DOCK4: variants seen among roughly 807,000 people sequenced by gnomAD.
DOCK4 encodes dedicator of cytokinesis protein 4.
A neutral mutation model predicts 268.1 loss-of-function variants in DOCK4; 97 were observed. The observed-to-expected ratio is 0.36, with a 90% CI of 0.31 to 0.43. The LOEUF (loss-of-function observed/expected upper bound fraction) is 0.43. DOCK4 is among the 20% of genes least tolerant of loss of function. DOCK4 has a pLI of 1.00. For missense variants in DOCK4, 2,145 were observed against 2,455.7 expected (o/e 0.87, Z 2.67); for synonymous variants, 954 against 887.2 (o/e 1.08, Z -1.34).
chr7:112,135,794 G>A (rs1418071768), intron 1 of DOCK4, among the ~76,000 whole-genome samples: 3 of 150,380 alleles, frequency 2.0e-5, no homozygotes, highest in Non-Finnish European at 3.0e-5. Flanking sequence ...AATTGAACCA[G>A]TACAAATTAC....
chr7:111,980,102 T>G (rs991008729), intron 7 of DOCK4, among the ~76,000 whole-genome samples: 3 of 152,114 alleles, frequency 2.0e-5, no homozygotes, highest in African/African-American at 7.2e-5. Context: ...ATCTTTCGAG[T>G]AATTATGGGC....
intron 43 of DOCK4, 98 bp downstream of exon 43, chr7:111,747,169 G>T: frequency 8.8e-7 from 1 of 1,132,890 alleles, no homozygotes. Flanking sequence ...CCCTATGTTT[G>T]CGTGCTGATA....
At chr7:111,806,305 A>AC (rs1166647778) in intron 30 of DOCK4, among the ~76,000 whole-genome samples, 1 of 152,214 alleles carries the variant, frequency 6.6e-6, no homozygotes, top group Non-Finnish European at 1.5e-5. Context: ...TGTCACTCTG[A>AC]ATACTTAATT....
At chr7:112,157,912 GTC>G (rs1207077509) in intron 1 of DOCK4, among the ~76,000 whole-genome samples, 5 of 152,126 alleles carry the variant, frequency 3.3e-5, no homozygotes, top group Non-Finnish European at 7.4e-5. Context: ...CATAAGGATG[GTC>G]TCTTTGGCTA....
chr7:112,104,941 T>A (rs1226830265), intron 1 of DOCK4, among the ~76,000 whole-genome samples: 1 of 152,206 alleles, frequency 6.6e-6, no homozygotes, highest in Admixed American at 6.5e-5. Flanking sequence ...GGGGATGATA[T>A]ACATTCAAGA....
intron 1 of DOCK4, among the ~76,000 whole-genome samples, chr7:112,030,790 C>A (rs1193213556): frequency 6.6e-6 from 1 of 152,178 alleles, no homozygotes; most frequent in African/African-American, 2.4e-5. Context: ...ACAGGTGCTG[C>A]AGCAATAGGC....
chr7:112,022,918 C>T (rs568954596), intron 1 of DOCK4, among the ~76,000 whole-genome samples: 21 of 152,170 alleles, frequency 1.4e-4, no homozygotes, highest in African/African-American at 5.1e-4. Context: ...GGAGCCTTTT[C>T]TTCTTTTTTT....
At chr7:112,000,889 C>T (rs1800368347) in intron 2 of DOCK4, among the ~76,000 whole-genome samples, 1 of 152,148 alleles carries the variant, frequency 6.6e-6, no homozygotes, top group Non-Finnish European at 1.5e-5. Flanking sequence ...ACCACTTCTT[C>T]CCATTTTATG....
intron 17 of DOCK4, among the ~76,000 whole-genome samples, chr7:111,875,615 T>G (rs1394680065): frequency 6.6e-6 from 1 of 152,222 alleles, no homozygotes; most frequent in Non-Finnish European, 1.5e-5. Flanking sequence ...CCTTAAAAGA[T>G]GTAAGATGGT....
intron 10 of DOCK4, among the ~76,000 whole-genome samples, chr7:111,943,458 T>C (rs1213859913): frequency 3.3e-5 from 5 of 152,224 alleles, no homozygotes; most frequent in African/African-American, 1.2e-4. Context: ...CTTACTGCTG[T>C]CAGAGATTAT....
Position 112,080,235 on chromosome 7 carries a change from G to A in DOCK4, c.38-76104C>T, listed in dbSNP as rs890249945. Among the ~76,000 whole-genome samples the A allele has an allele frequency of 2.6e-5, 4 of 152,140 alleles. No homozygotes were observed. The East Asian group carries it at 7.7e-4, about 29-fold the overall frequency. ...ATAAATTTTAGATTAAATAATGAAT[G>A]AGTTTTTAGTATATATATGTCATAA... On this transcript the variant is annotated intron_variant, in intron 1 of 52. Coordinates refer to ENST00000428084, the MANE Select transcript of DOCK4 (RefSeq NM_001363540.2).
chr7:111,977,113 T>A lies in DOCK4; in HGVS notation c.701+19A>T. The stretch of plus-strand genomic sequence containing the variant: ...TTCTAACATTAAGACATTGAAACCC[T>A]ATCTCCACGTGCAGGTACCTGATTG... On this transcript the variant is annotated intron_variant, in intron 8 of 52. Coordinates refer to ENST00000428084, the MANE Select transcript of DOCK4 (RefSeq NM_001363540.2). The A allele has an allele frequency of 1.2e-6, 2 of 1,612,428 alleles. No homozygotes were observed. Among genetic ancestry groups the A allele is most frequent in the Non-Finnish European group, 1.7e-6 (2 of 1,179,248 alleles).
At chr7:111,946,067 C>T (rs1562924025) in intron 8 of DOCK4, among the ~76,000 whole-genome samples, 2 of 152,118 alleles carry the variant, frequency 1.3e-5, no homozygotes, top group Non-Finnish European at 2.9e-5. Flanking sequence ...AATTTTATAT[C>T]AGTAATATCA....
intron 10 of DOCK4, among the ~76,000 whole-genome samples, chr7:111,941,513 CTT>C (rs1270367084): frequency 6.6e-6 from 1 of 152,174 alleles, no homozygotes; most frequent in East Asian, 1.9e-4. Context: ...GTATGGCAGT[CTT>C]TATCAATATC....
intron 8 of DOCK4, among the ~76,000 whole-genome samples, chr7:111,970,371 T>C (rs1482555151): frequency 1.3e-5 from 2 of 152,084 alleles, no homozygotes; most frequent in African/African-American, 2.4e-5. Flanking sequence ...TCTATAAAAA[T>C]GTGGATATTA....
chr7:112,139,160 A>T (rs1814653505), intron 1 of DOCK4, among the ~76,000 whole-genome samples: 1 of 152,176 alleles, frequency 6.6e-6, no homozygotes, highest in African/African-American at 2.4e-5. Context: ...GTCGCTGCAA[A>T]TCCTCCTGTA....
At chr7:112,200,725 T>TTAAAAAA (rs1554478846) in intron 1 of DOCK4, among the ~76,000 whole-genome samples, 2 of 102,766 alleles carry the variant, frequency 1.9e-5, no homozygotes, top group African/African-American at 3.3e-5. Context: ...GCCTCTAAAA[T>TTAAAAAA]AAAAAAAAAA....
chr7:112,036,539 T>A (rs905809100), intron 1 of DOCK4, among the ~76,000 whole-genome samples: 2 of 152,202 alleles, frequency 1.3e-5, no homozygotes, highest in Non-Finnish European at 2.9e-5. Flanking sequence ...TTTGCTTTTA[T>A]ATTTTTATGT....
intron 1 of DOCK4, among the ~76,000 whole-genome samples, chr7:112,124,510 A>G (rs747715375): frequency 6.6e-5 from 10 of 152,198 alleles, no homozygotes; most frequent in Non-Finnish European, 1.5e-4. Context: ...AGGACCAAAT[A>G]CAAGTTCTTT....
Sources: gnomAD v4.1 joint callset for allele counts (sites outside exome capture counted in the v4.1 genomes callset) on GRCh38, gnomAD v4.1.1 for gene constraint, MANE v1.5 for transcripts, NCBI Gene and HGNC (gene_info 2026-07-23, HGNC 2026-07-21) for gene names.